The following SLC2A3 variants were observed in gnomAD, a reference collection of about 807,000 sequenced individuals.
SLC2A3 encodes the protein solute carrier family 2 member 3.
In SLC2A3, 21 loss-of-function variants were observed where a neutral mutation model predicts 46.4. That is an observed-to-expected ratio of 0.45 (90% CI 0.32 to 0.65). SLC2A3 has a LOEUF of 0.65. SLC2A3 is among the 30% of genes least tolerant of loss of function. The pLI is 0.04. For missense variants in SLC2A3, 499 were observed against 623.3 expected, an observed-to-expected ratio of 0.80 and a Z score of 2.12; for synonymous variants, 213 against 239.4, an observed-to-expected ratio of 0.89 and a Z score of 1.02.
In SLC2A3 at chr12:7,921,299, A is replaced by AG. The variant is rs1592352554; in HGVS notation, c.*113dup. 20 of 1,566,542 alleles carry AG rather than the reference A, an allele frequency of 1.3e-5. 1 individual carries two copies. The East Asian group carries it at 4.5e-4, about 35-fold the overall frequency. On this transcript the variant is annotated 3_prime_UTR_variant, in exon 10 of 10. Coordinates refer to ENST00000075120, the MANE Select transcript of SLC2A3 (RefSeq NM_006931.3). ...GCTCATGGAGTGCGTGGGATGAGAA[A>AG]GGAATTAAGTAGCAGCATTCAGAAG...
chr12:7,931,671 T>C (rs1239667239), intron 3 of SLC2A3, among the ~76,000 whole-genome samples, 186 bp from the exon 4 acceptor site: 1 of 151,882 alleles, frequency 6.6e-6, no homozygotes, highest in East Asian at 1.9e-4. Flanking sequence ...GGTGCCCGCC[T>C]GTAGTCCCAG....
At position 7,925,837 on chromosome 12, in the gene SLC2A3, A is replaced by C; in HGVS notation, c.966+7T>G. 1 of 1,607,060 alleles carries C rather than the reference A, an allele frequency of 6.2e-7. No homozygotes were observed. On this transcript the variant is annotated splice_region_variant and intron_variant, in intron 7 of 9. Coordinates refer to ENST00000075120, the MANE Select transcript of SLC2A3 (RefSeq NM_006931.3). ...TCCCCTCAAAATTACCAAACCATCC[A>C]ACTTACAGAAACTACAGTGAAGATA...
chr12:7,934,680 G>A (rs1946194926), intron 1 of SLC2A3, among the ~76,000 whole-genome samples: 1 of 151,876 alleles, frequency 6.6e-6, no homozygotes, highest in Non-Finnish European at 1.5e-5. Flanking sequence ...CAACTTCTAC[G>A]CCATTCCCCC....
In SLC2A3 at chr12:7,921,425, G is replaced by A; in HGVS notation, c.1479C>T (p.Thr493=). Residue 493 remains threonine (T), a synonymous_variant, in exon 10 of 10, where the codon ACC becomes ACT. Transcript: ENST00000075120. ...MNSIEPAKET[T]TNV is the part of the protein sequence containing the mutation. ...AAGGAGGCACGACTTAGACATTGGT[G>A]GTGGTCTCCTTAGCAGGCTCGATGC... 6.2e-7 allele frequency: 1 copy of A among 1,614,036 alleles called. No homozygotes were observed. Among genetic ancestry groups the A allele is most frequent in the Non-Finnish European group, 8.5e-7 (1 of 1,179,930 alleles).
chr12:7,933,218 G>A lies in SLC2A3; in HGVS notation c.109-71C>T, dbSNP rs1356974769. On this transcript the variant is annotated intron_variant, in intron 2 of 9. Coordinates refer to ENST00000075120, the MANE Select transcript of SLC2A3 (RefSeq NM_006931.3). ...ATGAGAACAAAAGACAAACATTAGG[G>A]ATCATTTCCTTCCTAGAGAATCAAG... 2.0e-6 allele frequency: 3 copies of A among 1,505,636 alleles called. No homozygotes were observed. In the South Asian group the frequency reaches 3.5e-5, roughly 18 times the overall value. The allele number at this position is 1,505,636 out of a possible 1,614,324, so 93.3% of individuals were successfully genotyped here.
intron 5 of SLC2A3, 49 bp downstream of exon 5, chr12:7,930,431 A>G (rs1195901769): frequency 3.8e-6 from 6 of 1,570,468 alleles, no homozygotes; most frequent in Non-Finnish European, 5.2e-6. Context: ...CATCCCTAAA[A>G]CAAACCACAA....
At chr12:7,933,721 G>T in intron 2 of SLC2A3, 89 bp downstream of exon 2, 5 of 1,400,768 alleles carry the variant, frequency 3.6e-6, no homozygotes, top group Non-Finnish European at 5.0e-6. Flanking sequence ...ATGCCACCAT[G>T]CCTGGCCTTA....
chr12:7,934,323 C>A (rs1946190682), intron 1 of SLC2A3, among the ~76,000 whole-genome samples: 1 of 152,008 alleles, frequency 6.6e-6, no homozygotes, highest in Non-Finnish European at 1.5e-5. Context: ...ACCCCAGACT[C>A]CACGGAAGCC....
chr12:7,932,738 A>T, intron 3 of SLC2A3: 1 of 476,562 alleles, frequency 2.1e-6, no homozygotes, highest in Non-Finnish European at 3.7e-6. Flanking sequence ...ATTCTGAACT[A>T]TCCCTAGCTG....
At chr12:7,935,616 A>T (rs1215428729) in intron 1 of SLC2A3, among the ~76,000 whole-genome samples, 2 of 152,152 alleles carry the variant, frequency 1.3e-5, no homozygotes, top group African/African-American at 4.8e-5. Context: ...AGATGGCCAG[A>T]CCCTGGCCTG....
At chr12:7,933,250 AAT>A in intron 2 of SLC2A3, 103 bp from the exon 3 acceptor site, 1 of 1,232,730 alleles carries the variant, frequency 8.1e-7, no homozygotes, top group Non-Finnish European at 1.1e-6. Flanking sequence ...CAAGGGAATA[AAT>A]AGACAGGAAT....
intron 1 of SLC2A3, among the ~76,000 whole-genome samples, chr12:7,934,156 T>C (rs1252211922): frequency 6.6e-6 from 1 of 152,024 alleles, no homozygotes; most frequent in Non-Finnish European, 1.5e-5. Context: ...TAAGAGAAAC[T>C]GGGTTGGTCA....
chr12:7,930,142 T>C, intron 5 of SLC2A3: 1 of 610,900 alleles, frequency 1.6e-6, no homozygotes, highest in South Asian at 2.2e-5. Flanking sequence ...TGCGCCCCCA[T>C]GCCCGGCTAA....
intron 6 of SLC2A3, among the ~76,000 whole-genome samples, chr12:7,928,120 C>A (rs1946113904): frequency 6.6e-6 from 1 of 151,178 alleles, no homozygotes; most frequent in South Asian, 2.1e-4. Flanking sequence ...AAAGGATGGG[C>A]CAGGCGCAGT....
At position 7,921,482 on chromosome 12, in the gene SLC2A3, T is replaced by A. The variant is rs1946036251; in HGVS notation, c.1422A>T (p.Arg474Ser). The A allele has an allele frequency of 1.9e-6, 3 of 1,613,938 alleles. No homozygotes were observed. Among genetic ancestry groups the A allele is most frequent in the Non-Finnish European group, 2.5e-6 (3 of 1,179,858 alleles). ...AFEGQAHGAD[R>S]SGKDGVMEMN... ...TCTCCATGACGCCGTCCTTTCCAGA[T>A]CTATCTGCACCGTGTGCCTGCCCTT... The change falls in exon 10 of 10, where the codon AGA becomes AGT. Residue 474 changes from arginine (R) to serine (S), a missense_variant. Physicochemically the swap from Arg to Ser is moderately radical, Grantham distance 110 (BLOSUM62 -1). Coordinates refer to ENST00000075120, the MANE Select transcript of SLC2A3 (RefSeq NM_006931.3).
At chr12:7,925,665 A>AT in intron 7 of SLC2A3, 179 bp downstream of exon 7, 1 of 578,310 alleles carries the variant, frequency 1.7e-6, no homozygotes, top group East Asian at 2.9e-5. Context: ...TTTCCCATCC[A>AT]TCCCATATTT....
At position 7,921,580 on chromosome 12, in the gene SLC2A3, A is replaced by C. The variant is rs767326371; in HGVS notation, c.1324T>G (p.Phe442Val). The change falls in exon 10 of 10, where the codon TTC becomes GTC. Residue 442 changes from phenylalanine (F) to valine (V), a missense_variant. By Grantham distance (50) the Phe-to-Val change is conservative. Coordinates refer to ENST00000075120, the MANE Select transcript of SLC2A3 (RefSeq NM_006931.3). Reference protein sequence around the residue: ...FIIFTGFLITFLAFTFFKVPE... With the variant: ...FIIFTGFLITVLAFTFFKVPE... Reference sequence around the variant, plus strand: ...ACTTTGAAGAAGGTAAAAGCCAAGAAGGTAATGAGGAAGCCGGTGAAGATA... The same window carrying C: ...ACTTTGAAGAAGGTAAAAGCCAAGACGGTAATGAGGAAGCCGGTGAAGATA... 6.5e-5 allele frequency: 105 copies of C among 1,613,826 alleles called. No individual in the cohort carries two copies. The highest frequency in any genetic ancestry group is 8.4e-5 in the Non-Finnish European group (99 of 1,179,848).
chr12:7,929,687 A>G lies in SLC2A3; in HGVS notation c.858T>C (p.Asn286=). ...GACCCTAAAGTATCACACTCACAGC[A>G]TTGATCCCAGAGAGCTGCTGAGAGA... ...LQLSQQLSGI[N]AVFYYSTGIF... is the part of the protein sequence containing the mutation. The change falls in exon 6 of 10, where the codon AAT becomes AAC. Residue 286 remains asparagine (N), a synonymous_variant. Coordinates refer to ENST00000075120, the MANE Select transcript of SLC2A3 (RefSeq NM_006931.3). 2 of 1,613,338 alleles carry G rather than the reference A, an allele frequency of 1.2e-6. No individual in the cohort carries two copies. Among genetic ancestry groups the G allele is most frequent in the Non-Finnish European group, 1.7e-6 (2 of 1,179,582 alleles).
chr12:7,923,113 C>T (rs1946056250), intron 8 of SLC2A3, 89 bp from the exon 9 acceptor site: 1 of 1,235,684 alleles, frequency 8.1e-7, no homozygotes, highest in African/African-American at 1.5e-5. Flanking sequence ...GCAAGCTCCT[C>T]CTGTCCCTGA....
Sources: gnomAD v4.1 joint callset for allele counts (sites outside exome capture counted in the v4.1 genomes callset) on GRCh38, gnomAD v4.1.1 for gene constraint, MANE v1.5 for transcripts, NCBI Gene and HGNC (gene_info 2026-07-23, HGNC 2026-07-21) for gene names.